GHR: variants seen among roughly 807,000 people sequenced by gnomAD.
The protein encoded by GHR is growth hormone receptor, also known as GH receptor.
A neutral mutation model predicts 67.1 loss-of-function variants in GHR; 35 were observed. The observed-to-expected ratio is 0.52, with a 90% CI of 0.40 to 0.69. The LOEUF is 0.69. GHR is among the 30% of genes least tolerant of loss of function. The pLI is 0.00. For synonymous variants in GHR, 272 were observed against 269.1 expected (o/e 1.01, Z -0.10); for missense variants, 792 against 764.6 (o/e 1.04, Z -0.42).
intron 1 of GHR, among the ~76,000 whole-genome samples, chr5:42,563,142 G>A (rs546715405): frequency 8.2e-4 from 125 of 152,324 alleles, no homozygotes; most frequent in African/African-American, 2.9e-3. Context: ...ATGCAAACCT[G>A]TTCACATTCT....
intron 3 of GHR, among the ~76,000 whole-genome samples, chr5:42,639,361 A>G (rs1445283810): frequency 6.6e-6 from 1 of 152,212 alleles, no homozygotes; most frequent in East Asian, 1.9e-4. Flanking sequence ...TCACAGAATC[A>G]TAATAGATGT....
At chr5:42,704,140 C>T (rs775919127) in intron 6 of GHR, among the ~76,000 whole-genome samples, 7 of 151,834 alleles carry the variant, frequency 4.6e-5, no homozygotes, top group Non-Finnish European at 8.8e-5. Context: ...TGTCTTGTTC[C>T]TCATCTTAGA....
chr5:42,479,095 G>T (rs1328595330), intron 1 of GHR, among the ~76,000 whole-genome samples: 1 of 152,170 alleles, frequency 6.6e-6, no homozygotes, highest in African/African-American at 2.4e-5. Context: ...TTAGCATGAA[G>T]CATTGTTGAA....
intron 1 of GHR, among the ~76,000 whole-genome samples, chr5:42,470,446 A>G (rs962615460): frequency 6.6e-6 from 1 of 152,098 alleles, no homozygotes; most frequent in East Asian, 1.9e-4. Flanking sequence ...CCGAATTCAT[A>G]TTTGTATTCC....
intron 1 of GHR, among the ~76,000 whole-genome samples, chr5:42,444,054 A>G (rs1743706957): frequency 6.6e-6 from 1 of 152,126 alleles, no homozygotes; most frequent in African/African-American, 2.4e-5. Context: ...TGGATATATA[A>G]TGGTTATATA....
chr5:42,692,440 A>G (rs1027621634), intron 4 of GHR, among the ~76,000 whole-genome samples: 3 of 152,238 alleles, frequency 2.0e-5, no homozygotes, highest in Non-Finnish European at 4.4e-5. Context: ...CTGTAGAGAC[A>G]TTCAACCCAG....
chr5:42,612,104 G>C (rs1364283239), intron 2 of GHR, among the ~76,000 whole-genome samples: 1 of 152,132 alleles, frequency 6.6e-6, no homozygotes, highest in African/African-American at 2.4e-5. Flanking sequence ...TAGGATAATA[G>C]TATGTGGCCA....
intron 3 of GHR, among the ~76,000 whole-genome samples, chr5:42,633,246 AC>A (rs1754015327): frequency 6.6e-6 from 1 of 152,198 alleles, no homozygotes; most frequent in African/African-American, 2.4e-5. Context: ...TGAATATCCA[AC>A]TGGAGCAAGT....
At chr5:42,625,041 A>G (rs1753631024) in intron 2 of GHR, among the ~76,000 whole-genome samples, 1 of 152,180 alleles carries the variant, frequency 6.6e-6, no homozygotes, top group Admixed American at 6.5e-5. Context: ...ATAGATGAAG[A>G]TAATAATAAA....
At chr5:42,582,981 G>T (rs893987972) in intron 2 of GHR, among the ~76,000 whole-genome samples, 6 of 152,202 alleles carry the variant, frequency 3.9e-5, no homozygotes, top group Non-Finnish European at 1.5e-5. Flanking sequence ...CCCTTGGCAG[G>T]CATGGGGTCC....
intron 1 of GHR, chr5:42,425,001 T>C (rs765331897): frequency 1.1e-4 from 104 of 985,140 alleles, no homozygotes; most frequent in Non-Finnish European, 1.2e-4. Context: ...CGCCTGTCTG[T>C]TTGTGCCGCC....
chr5:42,694,843 C>A (rs1757592169), intron 4 of GHR, 74 bp from the exon 5 acceptor site: 1 of 1,093,224 alleles, frequency 9.1e-7, no homozygotes, highest in Non-Finnish European at 1.4e-6. Flanking sequence ...ATCAGACTAT[C>A]AAGCACCTTA....
chr5:42,578,679 C>A (rs755030912), intron 2 of GHR, among the ~76,000 whole-genome samples: 6 of 152,126 alleles, frequency 3.9e-5, no homozygotes, highest in Non-Finnish European at 5.9e-5. Context: ...TATACAATGT[C>A]ATATATTCAT....
At chr5:42,601,544 T>C (rs1401053217) in intron 2 of GHR, among the ~76,000 whole-genome samples, 1 of 152,166 alleles carries the variant, frequency 6.6e-6, no homozygotes, top group Non-Finnish European at 1.5e-5. Flanking sequence ...TCTGAAGCAA[T>C]GGTCACAAGT....
intron 2 of GHR, among the ~76,000 whole-genome samples, chr5:42,595,245 T>G (rs759863602): frequency 6.6e-6 from 1 of 152,232 alleles, no homozygotes; most frequent in Non-Finnish European, 1.5e-5. Context: ...TTATCATAAG[T>G]TTAACAATGA....
chr5:42,428,201 T>C (rs767920556), intron 1 of GHR, among the ~76,000 whole-genome samples: 1 of 152,204 alleles, frequency 6.6e-6, no homozygotes, highest in Admixed American at 6.5e-5. Flanking sequence ...AAACCTCAGT[T>C]CTTGTCTTCT....
intron 1 of GHR, among the ~76,000 whole-genome samples, chr5:42,428,968 C>T (rs972395519): frequency 1.3e-5 from 2 of 152,190 alleles, no homozygotes; most frequent in Non-Finnish European, 2.9e-5. Context: ...GTTCAAACCT[C>T]TGCCTGTTAC....
rs1403092799 is a variant in GHR, at chr5:42,485,639, T to C, written c.-12+61684T>C. On this transcript the variant is annotated intron_variant, in intron 1 of 9. Transcript: ENST00000230882. ...TCTTAAGAAAAACCTTGTCTTCTTT[T>C]CTTTTTTCCTTAGGTTGACTTATTC... is the stretch of plus-strand genomic sequence containing the variant. Among the ~76,000 whole-genome samples, 11 of 152,368 alleles carry C rather than the reference T, an allele frequency of 7.2e-5. No individual in the cohort carries two copies. In the East Asian group the frequency reaches 2.1e-3, roughly 29 times the overall value.
intron 1 of GHR, among the ~76,000 whole-genome samples, chr5:42,433,177 T>C (rs191747964): frequency 2.2e-4 from 34 of 152,292 alleles, no homozygotes; most frequent in African/African-American, 5.3e-4. Context: ...GGGAGACATA[T>C]CTACTTTGCC....
Sources: gnomAD v4.1 joint callset for allele counts (sites outside exome capture counted in the v4.1 genomes callset) on GRCh38, gnomAD v4.1.1 for gene constraint, MANE v1.5 for transcripts, NCBI Gene and HGNC (gene_info 2026-07-23, HGNC 2026-07-21) for gene names.